The following ACP1 variants were observed in gnomAD, a reference collection of about 807,000 sequenced individuals.
ACP1 encodes the protein acid phosphatase 1, also known as low molecular weight phosphotyrosine protein phosphatase.
In ACP1, 23 loss-of-function variants were observed where a neutral mutation model predicts 23.4. That is an observed-to-expected ratio of 0.98 (90% CI 0.71 to 1.39). ACP1 has a LOEUF of 1.39. ACP1 is among the 40% of genes most tolerant of loss of function. ACP1 has a pLI of 0.00. For missense variants in ACP1, 180 were observed against 197.7 expected, an observed-to-expected ratio of 0.91 and a Z score of 0.54; for synonymous variants, 72 against 67.2, an observed-to-expected ratio of 1.07 and a Z score of -0.35.
At chr2:268,208 A>G (rs1414408724) in intron 1 of ACP1, among the ~76,000 whole-genome samples, 1 of 152,228 alleles carries the variant, frequency 6.6e-6, no homozygotes, top group Non-Finnish European at 1.5e-5. Flanking sequence ...GAGGTGGAGC[A>G]TGCCTTTACT....
chr2:265,420 C>T (rs1220909146), intron 1 of ACP1: 1 of 168,722 alleles, frequency 5.9e-6, no homozygotes, highest in Non-Finnish European at 1.3e-5. Context: ...GTTTCCTTAG[C>T]CCATGCTTAG....
Position 276,993 on chromosome 2 carries a change from AAAAGT to A in ACP1, c.310_314del (p.Asn105SerfsTer2). 6.3e-7 allele frequency: 1 copy of A among 1,599,956 alleles called. No homozygotes were observed. The highest frequency in any genetic ancestry group is 8.5e-7 in the Non-Finnish European group (1 of 1,171,776). On this transcript the variant is annotated frameshift_variant, in exon 5 of 6. Transcript: ENST00000272065. LOFTEE classifies it high-confidence loss of function. ...TCAATTTTACAGAGATTTGAATAGAAAAAGTAATCAAGTTAAAACCTGCAAAGCTA... is the reference window on the plus strand; with the variant it reads ...TCAATTTTACAGAGATTTGAATAGAAAATCAAGTTAAAACCTGCAAAGCTA...
intron 1 of ACP1, among the ~76,000 whole-genome samples, chr2:270,703 T>A (rs1487022279): frequency 6.6e-6 from 1 of 152,130 alleles, no homozygotes; most frequent in Non-Finnish European, 1.5e-5. Flanking sequence ...CAGAGCACTA[T>A]GGCTCTGAGG....
rs548325301 is a variant in ACP1, at chr2:275,081, T to G, written c.232-59T>G. ...TTTTTTTTTTCTTTTAGTATTGCTT[T>G]GCATCCTCTAGGCTTGAATGGTATA... is the stretch of plus-strand genomic sequence containing the variant. On this transcript the variant is annotated intron_variant, in intron 3 of 5. Transcript: ENST00000272065. 1.4e-4 allele frequency: 116 copies of G among 818,582 alleles called. No homozygotes were observed. In the African/African-American group the frequency reaches 1.8e-3, roughly 13 times the overall value. The allele number at this position is 818,582 out of a possible 1,614,324, so 50.7% of individuals were successfully genotyped here.
At chr2:272,350 C>A (rs1209571193) in intron 3 of ACP1, 200 bp downstream of exon 3, 1 of 1,577,996 alleles carries the variant, frequency 6.3e-7, no homozygotes. Flanking sequence ...AGTCCAGTAA[C>A]TTGAGAAGTA....
chr2:277,352 A>C lies in ACP1; in HGVS notation c.*48A>C, dbSNP rs774650894. 4.6e-6 allele frequency: 7 copies of C among 1,532,182 alleles called. No individual in the cohort carries two copies. Among genetic ancestry groups the C allele is most frequent in the Non-Finnish European group, 6.3e-6 (7 of 1,107,136 alleles). The allele number at this position is 1,532,182 out of a possible 1,614,324, so 94.9% of individuals were successfully genotyped here. A position where few individuals can be genotyped will look rare whatever the true frequency, so the allele number is the denominator to read the frequency against. The stretch of plus-strand genomic sequence containing the variant: ...GCCAGCCTGACTAGACCCCACCCTG[A>C]GGTCCTGCATTTCTCAGTCGGTGTG... On this transcript the variant is annotated 3_prime_UTR_variant, in exon 6 of 6. Coordinates refer to ENST00000272065, the MANE Select transcript of ACP1 (RefSeq NM_004300.4).
chr2:277,347 C>T lies in ACP1; in HGVS notation c.*43C>T, dbSNP rs773656331. 1 of 1,544,980 alleles carries T rather than the reference C, an allele frequency of 6.5e-7. No individual in the cohort carries two copies. Reference sequence around the variant, plus strand: ...CTGCGGCCAGCCTGACTAGACCCCACCCTGAGGTCCTGCATTTCTCAGTCG... The same window carrying T: ...CTGCGGCCAGCCTGACTAGACCCCATCCTGAGGTCCTGCATTTCTCAGTCG... On this transcript the variant is annotated 3_prime_UTR_variant, in exon 6 of 6. Coordinates refer to ENST00000272065, the MANE Select transcript of ACP1 (RefSeq NM_004300.4).
intron 1 of ACP1, among the ~76,000 whole-genome samples, chr2:268,504 C>A (rs1669948408): frequency 6.6e-6 from 1 of 152,170 alleles, no homozygotes; most frequent in Non-Finnish European, 1.5e-5. Flanking sequence ...CATGACCCAG[C>A]CAGCATGGTT....
chr2:265,181 G>T (rs1669823190), intron 1 of ACP1, 174 bp downstream of exon 1: 22 of 646,808 alleles, frequency 3.4e-5, no homozygotes, highest in Non-Finnish European at 5.2e-5. Context: ...CATCCGCCCC[G>T]TGCACCCGCC....
At chr2:268,215 T>C (rs1669940909) in intron 1 of ACP1, among the ~76,000 whole-genome samples, 1 of 152,246 alleles carries the variant, frequency 6.6e-6, no homozygotes, top group Non-Finnish European at 1.5e-5. Context: ...AGCATGCCTT[T>C]ACTGGTTGCA....
chr2:276,029 T>C (rs549565294), intron 4 of ACP1, among the ~76,000 whole-genome samples: 1 of 152,322 alleles, frequency 6.6e-6, no homozygotes, highest in East Asian at 1.9e-4. Context: ...GCTGACACCA[T>C]AGCCCATAGG....
At chr2:276,136 TCA>T (rs2103076369) in intron 4 of ACP1, among the ~76,000 whole-genome samples, 1 of 152,312 alleles carries the variant, frequency 6.6e-6, no homozygotes, top group Non-Finnish European at 1.5e-5. Context: ...TCCTGCAGCC[TCA>T]CATTTGCACG....
chr2:273,761 T>C (rs1017744120), intron 3 of ACP1, among the ~76,000 whole-genome samples: 1 of 152,250 alleles, frequency 6.6e-6, no homozygotes, highest in Non-Finnish European at 1.5e-5. Flanking sequence ...CTAAAAATTA[T>C]GTAACAGTTA....
intron 4 of ACP1, among the ~76,000 whole-genome samples, chr2:276,722 G>T (rs1457100381): frequency 3.9e-5 from 6 of 152,126 alleles, no homozygotes; most frequent in Admixed American, 6.5e-5. Context: ...TTTTGTGGGA[G>T]AAAATATAAT....
chr2:268,725 T>A (rs1669956169), intron 1 of ACP1, among the ~76,000 whole-genome samples: 1 of 152,244 alleles, frequency 6.6e-6, no homozygotes, highest in African/African-American at 2.4e-5. Context: ...ACTTTACAGA[T>A]TGAAACATTT....
At chr2:276,623 G>C (rs1189119646) in intron 4 of ACP1, among the ~76,000 whole-genome samples, 2 of 152,178 alleles carry the variant, frequency 1.3e-5, no homozygotes, top group Non-Finnish European at 2.9e-5. Flanking sequence ...GATGGAATTG[G>C]TAGCCCTCTG....
At chr2:274,829 C>T (rs1194112068) in intron 3 of ACP1, 1 of 184,186 alleles carries the variant, frequency 5.4e-6, no homozygotes, top group Non-Finnish European at 1.1e-5. Flanking sequence ...AAATATGTGA[C>T]ATTTTAGTAT....
chr2:275,323 A>G (rs1273275418), intron 4 of ACP1, 122 bp downstream of exon 4: 2 of 466,300 alleles, frequency 4.3e-6, no homozygotes, highest in Admixed American at 7.6e-5. Flanking sequence ...TGGTCACCAT[A>G]TGTAGAATTA....
chr2:275,193 C>T lies in ACP1; in HGVS notation c.285C>T (p.Ser95=), dbSNP rs1350856083. The T allele has an allele frequency of 6.6e-7, 1 of 1,524,720 alleles. No individual in the cohort carries two copies. The highest frequency in any genetic ancestry group is 9.0e-7 in the Non-Finnish European group (1 of 1,112,932). 94.4% of individuals were successfully genotyped at this position (1,524,720 alleles called of 1,614,324 possible). ...ATTATATACTATGTATGGATGAAAG[C>T]AATCTGAGGTAATCCTGTTTTTGAA... is the stretch of plus-strand genomic sequence containing the variant. ...TFDYILCMDE[S]NLRDLNRKSN... Residue 95 remains serine, a synonymous_variant, in exon 4 of 6, where the codon AGC becomes AGT. Coordinates refer to ENST00000272065, the MANE Select transcript of ACP1 (RefSeq NM_004300.4).
Sources: gnomAD v4.1 joint callset for allele counts (sites outside exome capture counted in the v4.1 genomes callset) on GRCh38, gnomAD v4.1.1 for gene constraint, MANE v1.5 for transcripts, NCBI Gene and HGNC (gene_info 2026-07-23, HGNC 2026-07-21) for gene names.